GALNT13: variants seen among roughly 807,000 people sequenced by gnomAD.
The protein encoded by GALNT13 is UDP-GalNAc:polypeptide N-acetylgalactosaminyltransferase 13.
GALNT13 carries 28 observed loss-of-function variants against 64.2 expected under a neutral mutation model. The ratio of observed to expected loss-of-function variants is 0.44; its 90% CI spans 0.32 to 0.60. GALNT13 has a LOEUF of 0.60. Ranked by LOEUF, GALNT13 falls within the 20% of genes least tolerant of loss-of-function variation. GALNT13 has a pLI of 0.05. For synonymous variants in GALNT13, 214 were observed against 224.6 expected (o/e 0.95, Z 0.42); for missense variants, 577 against 669.8 (o/e 0.86, Z 1.53).
chr2:153,924,364 T>A (rs796647039), intron 2 of GALNT13, among the ~76,000 whole-genome samples: 13 of 152,266 alleles, frequency 8.5e-5, no homozygotes, highest in African/African-American at 3.1e-4. Flanking sequence ...TCCAGCTCCA[T>A]CCATGTTCCT....
intron 3 of GALNT13, among the ~76,000 whole-genome samples, chr2:154,011,062 T>C (rs1049484906): frequency 1.3e-5 from 2 of 152,042 alleles, no homozygotes; most frequent in East Asian, 3.9e-4. Context: ...TTTCGTTATG[T>C]GACCTTTTGT....
chr2:153,662,362 A>C, the GALNT13 span, among the ~76,000 whole-genome samples: 291 of 152,194 alleles, frequency 1.9e-3, no homozygotes, highest in South Asian at 8.9e-3. Context: ...TCCCACATAA[A>C]CTTATACAAA....
At chr2:153,765,469 A>G in the GALNT13 span, among the ~76,000 whole-genome samples, 1 of 152,164 alleles carries the variant, frequency 6.6e-6, no homozygotes, top group East Asian at 1.9e-4. Flanking sequence ...CCTATTTGAA[A>G]CATGTGTAAT....
At chr2:153,847,002 C>G in the GALNT13 span, among the ~76,000 whole-genome samples, 2 of 151,902 alleles carry the variant, frequency 1.3e-5, no homozygotes, top group Non-Finnish European at 2.9e-5. Flanking sequence ...ATAAGAGACA[C>G]ATCTTAAATA....
At chr2:154,061,186 T>C (rs1176835229) in intron 3 of GALNT13, among the ~76,000 whole-genome samples, 1 of 152,188 alleles carries the variant, frequency 6.6e-6, no homozygotes, top group African/African-American at 2.4e-5. Context: ...TTATATGCTC[T>C]GTGTCTCTTT....
At chr2:153,700,378 C>T in the GALNT13 span, among the ~76,000 whole-genome samples, 1 of 152,146 alleles carries the variant, frequency 6.6e-6, no homozygotes, top group Non-Finnish European at 1.5e-5. Flanking sequence ...AACCCACAGC[C>T]AATATCATAC....
the GALNT13 span, among the ~76,000 whole-genome samples, chr2:153,780,214 GATATATATATATATAT>G: frequency 1.8e-3 from 234 of 128,060 alleles, 5 homozygotes; most frequent in African/African-American, 6.7e-3. Context: ...AGAATTTGAA[GATATATATATATATAT>G]ATATATATAT....
chr2:153,813,457 G>A, the GALNT13 span, among the ~76,000 whole-genome samples: 1 of 152,256 alleles, frequency 6.6e-6, no homozygotes, highest in African/African-American at 2.4e-5. Flanking sequence ...GAATCAGAAA[G>A]TAGCAGATCA....
intron 12 of GALNT13, among the ~76,000 whole-genome samples, chr2:154,449,658 A>G (rs375011331): frequency 2.0e-5 from 3 of 151,910 alleles, no homozygotes; most frequent in South Asian, 4.1e-4. Context: ...TTTAAAATGT[A>G]TATCTGAAAA....
the GALNT13 span, among the ~76,000 whole-genome samples, chr2:153,289,992 G>T: frequency 6.6e-6 from 1 of 152,134 alleles, no homozygotes; most frequent in East Asian, 1.9e-4. Context: ...GCCAAAGGCA[G>T]GTTGCTTACT....
the GALNT13 span, among the ~76,000 whole-genome samples, chr2:153,105,314 AT>A: frequency 1.3e-5 from 2 of 152,116 alleles, no homozygotes; most frequent in Non-Finnish European, 1.5e-5. Context: ...CTTTGACAAA[AT>A]TCAACAAAGC....
chr2:154,023,248 G>C (rs570065582), intron 3 of GALNT13, among the ~76,000 whole-genome samples: 2 of 152,242 alleles, frequency 1.3e-5, no homozygotes, highest in South Asian at 4.2e-4. Flanking sequence ...GGGTATCCTT[G>C]TTAACTTTCT....
At chr2:153,143,816 G>C in the GALNT13 span, among the ~76,000 whole-genome samples, 1 of 151,984 alleles carries the variant, frequency 6.6e-6, no homozygotes, top group Admixed American at 6.6e-5. Flanking sequence ...CTCTTGCAAA[G>C]TTTGCTGATA....
the GALNT13 span, among the ~76,000 whole-genome samples, chr2:153,316,381 G>T: frequency 1.3e-5 from 2 of 152,078 alleles, no homozygotes; most frequent in African/African-American, 4.8e-5. Context: ...GGTGGCTCAA[G>T]CCTGTAATCC....
chr2:154,285,159 C>G (rs966141330), intron 8 of GALNT13, among the ~76,000 whole-genome samples: 1 of 152,102 alleles, frequency 6.6e-6, no homozygotes, highest in African/African-American at 2.4e-5. Context: ...TATTTTCTCC[C>G]AGTCCATGAG....
At chr2:154,358,591 T>G (rs1305667555) in intron 9 of GALNT13, among the ~76,000 whole-genome samples, 1 of 151,942 alleles carries the variant, frequency 6.6e-6, no homozygotes, top group Non-Finnish European at 1.5e-5. Flanking sequence ...CAAAGGAAAA[T>G]CATATTTGGA....
chr2:153,279,712 G>C, the GALNT13 span, among the ~76,000 whole-genome samples: 6 of 152,102 alleles, frequency 3.9e-5, no homozygotes, highest in Admixed American at 3.9e-4. Context: ...ATATAGCCTA[G>C]TTGCTCCTGA....
the GALNT13 span, among the ~76,000 whole-genome samples, chr2:153,688,676 C>G: frequency 9.9e-4 from 150 of 151,948 alleles, 2 homozygotes; most frequent in Non-Finnish European, 2.8e-4. Flanking sequence ...TGATATTGAA[C>G]TTCAAGTAAA....
chr2:154,245,152 C>G (rs1330027113), intron 6 of GALNT13, among the ~76,000 whole-genome samples: 2 of 121,328 alleles, frequency 1.6e-5, no homozygotes, highest in Non-Finnish European at 3.7e-5. Flanking sequence ...AATAAAACAC[C>G]AGAGATTAAA....
Sources: gnomAD v4.1 joint callset for allele counts (sites outside exome capture counted in the v4.1 genomes callset) on GRCh38, gnomAD v4.1.1 for gene constraint, MANE v1.5 for transcripts, NCBI Gene and HGNC (gene_info 2026-07-23, HGNC 2026-07-21) for gene names.